The following ABCB5 variants were observed in gnomAD, a reference collection of about 807,000 sequenced individuals.
ABCB5 encodes ATP binding cassette subfamily B member 5.
A neutral mutation model predicts 144.2 loss-of-function variants in ABCB5; 155 were observed. The ratio of observed to expected loss-of-function variants is 1.08; its 90% confidence interval spans 0.94 to 1.23. The LOEUF (loss-of-function observed/expected upper bound fraction) is 1.23, where lower values mean the gene tolerates loss of function less well. Ranked by LOEUF, ABCB5 falls within the 50% of genes most tolerant of loss-of-function variation. The probability of loss-of-function intolerance (pLI) is 0.00; values close to 1 mark genes in which losing one functional copy is unlikely to be tolerated. For missense variants in ABCB5, 1,830 were observed against 1,520.8 expected, an observed-to-expected ratio of 1.20 and a Z score of -3.38; for synonymous variants, 610 against 528.6, an observed-to-expected ratio of 1.15 and a Z score of -2.11.
At chr7:20,669,967 G>A (rs1334735892) in intron 14 of ABCB5, among the ~76,000 whole-genome samples, 1 of 152,212 alleles carries the variant, frequency 6.6e-6, no homozygotes. Context: ...GTGAAAGAGA[G>A]GAGTGGTATC....
chr7:20,681,098 T>C (rs1255309801), intron 14 of ABCB5, among the ~76,000 whole-genome samples: 6 of 8,408 alleles, frequency 7.1e-4, no homozygotes, highest in Admixed American at 1.5e-3. Context: ...CTTTCTTTCT[T>C]TCTTTCTTTC....
In ABCB5 at chr7:20,647,548, T is replaced by C. The variant is rs747874478; in HGVS notation, c.995T>C (p.Val332Ala). 8.2e-6 allele frequency: 13 copies of C among 1,575,778 alleles called. No individual in the cohort carries two copies. The highest frequency in any genetic ancestry group is 3.5e-5 in the South Asian group (3 of 84,986). ...IGTVLAVFFS[V>A]IHSSYCIGAA... is the part of the protein sequence containing the mutation. ...TTGTTCCTGTAGGTTTTCTTTAGTG[T>C]AATCCATAGCAGTTATTGCATTGGA... Residue 332 changes from valine (V) to alanine (A), a missense_variant, in exon 10 of 28, where the codon GTA (valine) becomes GCA (alanine). Physicochemically the swap from Val to Ala is moderately conservative, Grantham distance 64. Coordinates refer to ENST00000404938, the MANE Select transcript of ABCB5 (RefSeq NM_001163941.2).
chr7:20,732,490 G>A (rs1782252414), intron 23 of ABCB5, among the ~76,000 whole-genome samples: 1 of 152,086 alleles, frequency 6.6e-6, no homozygotes, highest in African/African-American at 2.4e-5. Flanking sequence ...ACAAGTGGGT[G>A]GCACATAACA....
chr7:20,636,272 T>C (rs995063508), intron 5 of ABCB5, among the ~76,000 whole-genome samples: 1 of 152,132 alleles, frequency 6.6e-6, no homozygotes, highest in Non-Finnish European at 1.5e-5. Flanking sequence ...AGGGCTCTGA[T>C]GTACAGTCAC....
Position 20,698,476 on chromosome 7 carries a change from C to G in ABCB5, c.2080C>G (p.Leu694Val). The G allele has an allele frequency of 6.2e-7, 1 of 1,603,918 alleles. No homozygotes were observed. The highest frequency in any genetic ancestry group is 8.5e-7 in the Non-Finnish European group (1 of 1,176,584). Reference protein sequence around the residue: ...LNKPEWPFVVLGTLASVLNGT... With the variant: ...LNKPEWPFVVVGTLASVLNGT... Reference sequence around the variant, plus strand: ...CAAGCCTGAATGGCCTTTTGTGGTTCTGGGGACATTGGCTTCTGTTCTAAA... The same window carrying G: ...CAAGCCTGAATGGCCTTTTGTGGTTGTGGGGACATTGGCTTCTGTTCTAAA... Residue 694 changes from leucine to valine, a missense_variant, in exon 17 of 28, where the codon CTG becomes GTG. Coordinates refer to ENST00000404938, the MANE Select transcript of ABCB5 (RefSeq NM_001163941.2).
At chr7:20,675,634 A>G (rs1484951156) in intron 14 of ABCB5, among the ~76,000 whole-genome samples, 3 of 152,066 alleles carry the variant, frequency 2.0e-5, no homozygotes, top group Non-Finnish European at 4.4e-5. Flanking sequence ...AAAAACACAA[A>G]CAACAAAAGC....
chr7:20,752,127 A>G (rs1434716182), intron 26 of ABCB5, among the ~76,000 whole-genome samples: 1 of 152,246 alleles, frequency 6.6e-6, no homozygotes, highest in Non-Finnish European at 1.5e-5. Flanking sequence ...CACAAAATGA[A>G]CAGCTAGGAA....
At chr7:20,733,011 T>C (rs1782272339) in intron 23 of ABCB5, among the ~76,000 whole-genome samples, 1 of 152,202 alleles carries the variant, frequency 6.6e-6, no homozygotes, top group Non-Finnish European at 1.5e-5. Flanking sequence ...ATATTATCTG[T>C]TTAATGCTCT....
intron 4 of ABCB5, among the ~76,000 whole-genome samples, chr7:20,629,648 G>T (rs1044528978): frequency 4.6e-5 from 7 of 152,118 alleles, no homozygotes; most frequent in Non-Finnish European, 7.4e-5. Flanking sequence ...TGTAATCCCA[G>T]CTACTCGGGA....
intron 1 of ABCB5, 120 bp downstream of exon 1, chr7:20,615,957 G>C (rs1291149354): frequency 1.3e-5 from 2 of 152,256 alleles, no homozygotes; most frequent in Non-Finnish European, 2.9e-5. Flanking sequence ...AAATGTGTGT[G>C]TATGAAACTT....
chr7:20,710,304 T>C (rs557194971), intron 20 of ABCB5, among the ~76,000 whole-genome samples: 1 of 119,780 alleles, frequency 8.3e-6, no homozygotes, highest in African/African-American at 3.3e-5. Context: ...GAGGCAGAGG[T>C]TGAGGTGAGC....
intron 14 of ABCB5, chr7:20,667,706 TGCCCCTGCCCCTGCCCCTGCCC>T (rs1562551023): frequency 7.0e-6 from 1 of 142,118 alleles, no homozygotes; most frequent in African/African-American, 2.7e-5. Context: ...CCCCTGCCCC[TGCCCCTGCCCCTGCCCCTGCCC>T]CTGCCTCTGC....
In ABCB5 at chr7:20,656,808, A is replaced by C. The variant is rs74892840; in HGVS notation, c.1537-1698A>C. On this transcript the variant is annotated intron_variant, in intron 13 of 27. Coordinates refer to ENST00000404938, the MANE Select transcript of ABCB5 (RefSeq NM_001163941.2). The stretch of plus-strand genomic sequence containing the variant: ...AAAAATATCTTGTACATGAATATTC[A>C]TAGCAGCTTTATTTATAATAGCCAA... Among the ~76,000 whole-genome samples, 49 of 152,308 alleles carry C rather than the reference A, an allele frequency of 3.2e-4. 1 individual carries two copies. In the East Asian group the frequency reaches 8.1e-3, roughly 25 times the overall value.
At chr7:20,711,780 CTT>C (rs1491524696) in intron 20 of ABCB5, among the ~76,000 whole-genome samples, 6,468 of 25,380 alleles carry the variant, frequency 0.25, 1,549 homozygotes, top group East Asian at 0.65. Context: ...CCTTCTTTCT[CTT>C]TCTTTCTTTC....
Position 20,660,503 on chromosome 7 carries a change from G to A in ABCB5, c.1707+1827G>A, listed in dbSNP as rs377500409. 1.3e-5 allele frequency: 10 copies of A among 768,340 alleles called. No homozygotes were observed. The African/African-American group carries it at 1.9e-4, about 15-fold the overall frequency. 47.6% of individuals were successfully genotyped at this position (768,340 alleles called of 1,614,324 possible). On this transcript the variant is annotated intron_variant, in intron 14 of 27. Transcript: ENST00000404938. ...TAATCATATACTCTTCAGTTTATTG[G>A]AAAATGGCTTATGGAGAAGGGGAGA...
At position 20,622,248 on chromosome 7, in the gene ABCB5, A is replaced by G. The variant is rs116135284; in HGVS notation, c.-21-1017A>G. Among the ~76,000 whole-genome samples, 1,299 of 152,228 alleles carry G rather than the reference A, an allele frequency of 8.5e-3. 18 individuals are homozygous for G. Among genetic ancestry groups the G allele is most frequent in the African/African-American group, 0.03 (1,251 of 41,560 alleles). ...AATTGTTAATTTCTATAAAATGCAAATGTTTGAGATTTGTCAATCATTTTA... is the reference window on the plus strand; with the variant it reads ...AATTGTTAATTTCTATAAAATGCAAGTGTTTGAGATTTGTCAATCATTTTA... On this transcript the variant is annotated intron_variant, in intron 1 of 27. Coordinates refer to ENST00000404938, the MANE Select transcript of ABCB5 (RefSeq NM_001163941.2).
rs2036484593 is a variant in ABCB5 at position 20,662,271 on chromosome 7, G to A, written c.1707+3595G>A. On this transcript the variant is annotated intron_variant, in intron 14 of 27. Transcript: ENST00000404938. ...GGGTTGCTTTATTGCAGCCCTCACG[G>A]GCACGTCTTAACCATCACTGTGCTT... Among the ~76,000 whole-genome samples, 5 of 152,112 alleles carry A rather than the reference G, an allele frequency of 3.3e-5. No individual in the cohort carries two copies. In the South Asian group the frequency reaches 1.0e-3, roughly 32 times the overall value.
chr7:20,652,991 T>C (rs570761786), intron 13 of ABCB5, among the ~76,000 whole-genome samples: 16 of 152,228 alleles, frequency 1.1e-4, no homozygotes, highest in Non-Finnish European at 2.1e-4. Context: ...TTTAGGATCA[T>C]AATTAGGACA....
At chr7:20,661,896 C>T (rs893009789) in intron 14 of ABCB5, among the ~76,000 whole-genome samples, 1 of 152,036 alleles carries the variant, frequency 6.6e-6, no homozygotes. Context: ...TTTTGTTTCA[C>T]TAATGTTCAA....
Sources: gnomAD v4.1 joint callset for allele counts (sites outside exome capture counted in the v4.1 genomes callset) on GRCh38, gnomAD v4.1.1 for gene constraint, MANE v1.5 for transcripts, NCBI Gene and HGNC (gene_info 2026-07-23, HGNC 2026-07-21) for gene names.